TBC1D5: variants seen among roughly 807,000 people sequenced by gnomAD.
The protein encoded by TBC1D5 is TBC1 domain family, member 5.
TBC1D5 carries 75 observed loss-of-function variants against 100.3 expected under a neutral mutation model. The observed-to-expected ratio is 0.75, with a 90% confidence interval of 0.62 to 0.91. The LOEUF (loss-of-function observed/expected upper bound fraction) is 0.91. Ranked by LOEUF, TBC1D5 falls within the 40% of genes least tolerant of loss-of-function variation. TBC1D5 has a pLI of 0.00. For missense variants in TBC1D5, 910 were observed against 942.4 expected (o/e 0.97, Z 0.45); for synonymous variants, 323 against 325.6 (o/e 0.99, Z 0.09).
At chr3:17,591,264 A>AAAAAAC (rs1560228217) in intron 2 of TBC1D5, among the ~76,000 whole-genome samples, 1 of 110,696 alleles carries the variant, frequency 9.0e-6, no homozygotes, top group Non-Finnish European at 1.8e-5. Flanking sequence ...AAAAAAAAAA[A>AAAAAAC]AACAAAAACC....
At chr3:17,533,613 A>C (rs1032939795) in intron 2 of TBC1D5, among the ~76,000 whole-genome samples, 4 of 152,300 alleles carry the variant, frequency 2.6e-5, no homozygotes, top group Admixed American at 2.0e-4. Context: ...GGATTGGATA[A>C]ATTTATTAAT....
intron 2 of TBC1D5, among the ~76,000 whole-genome samples, chr3:17,580,159 T>C (rs1456536232): frequency 2.0e-5 from 3 of 152,188 alleles, no homozygotes; most frequent in Non-Finnish European, 4.4e-5. Flanking sequence ...GCCCTGTTTC[T>C]ACTATTAACT....
intron 2 of TBC1D5, among the ~76,000 whole-genome samples, chr3:17,550,658 T>C (rs2096464644): frequency 6.6e-6 from 1 of 152,124 alleles, no homozygotes; most frequent in Non-Finnish European, 1.5e-5. Flanking sequence ...AAAATTATGG[T>C]AAAACAAAAT....
chr3:17,435,793 C>A (rs1006377065), intron 3 of TBC1D5, among the ~76,000 whole-genome samples: 1 of 152,194 alleles, frequency 6.6e-6, no homozygotes, highest in African/African-American at 2.4e-5. Flanking sequence ...GAAATTAGGA[C>A]ATTCAAAAGC....
At chr3:17,502,964 T>C (rs754997237) in intron 3 of TBC1D5, among the ~76,000 whole-genome samples, 5 of 149,700 alleles carry the variant, frequency 3.3e-5, no homozygotes, top group Admixed American at 6.6e-5. Context: ...CAGGCCACTA[T>C]CATCTCACCT....
chr3:17,384,832 A>C (rs1237751348), intron 8 of TBC1D5, among the ~76,000 whole-genome samples: 1 of 152,098 alleles, frequency 6.6e-6, no homozygotes. Flanking sequence ...GGGATAGAAG[A>C]AAAGGTGGAG....
intron 3 of TBC1D5, among the ~76,000 whole-genome samples, chr3:17,455,900 T>C (rs2095073425): frequency 6.6e-6 from 1 of 152,114 alleles, no homozygotes; most frequent in Admixed American, 6.6e-5. Context: ...TTTCAAATTA[T>C]ACTGCAGATC....
intron 3 of TBC1D5, among the ~76,000 whole-genome samples, chr3:17,437,375 A>G (rs1364852236): frequency 1.3e-5 from 2 of 152,174 alleles, no homozygotes; most frequent in Admixed American, 6.5e-5. Context: ...CAGGTACTCT[A>G]TGGATATAAA....
chr3:17,727,447 A>T (rs1194825249), intron 1 of TBC1D5, among the ~76,000 whole-genome samples: 2 of 152,228 alleles, frequency 1.3e-5, no homozygotes, highest in Non-Finnish European at 2.9e-5. Context: ...AAAAGATAAT[A>T]AATAAAGGAG....
intron 4 of TBC1D5, among the ~76,000 whole-genome samples, chr3:17,423,013 AACTTT>A (rs1435904425): frequency 6.6e-6 from 1 of 152,160 alleles, no homozygotes; most frequent in Non-Finnish European, 1.5e-5. Flanking sequence ...AGGCTATACC[AACTTT>A]AATTTTTTAA....
intron 1 of TBC1D5, among the ~76,000 whole-genome samples, chr3:17,709,714 A>G (rs2074525388): frequency 6.6e-6 from 1 of 152,214 alleles, no homozygotes; most frequent in Non-Finnish European, 1.5e-5. Context: ...AAAAGACCTT[A>G]TTGTAGCTTA....
intron 1 of TBC1D5, among the ~76,000 whole-genome samples, chr3:17,725,228 A>C (rs1458610096): frequency 6.6e-6 from 1 of 152,154 alleles, no homozygotes; most frequent in African/African-American, 2.4e-5. Flanking sequence ...CCTAAAATTA[A>C]AATGTATTCT....
At chr3:17,203,071 C>A (rs1034832357) in intron 18 of TBC1D5, among the ~76,000 whole-genome samples, 1 of 152,168 alleles carries the variant, frequency 6.6e-6, no homozygotes, top group African/African-American at 2.4e-5. Flanking sequence ...TCACTAAATG[C>A]CAGCTTGTGA....
chr3:17,217,107 T>A (rs961351906), intron 17 of TBC1D5, among the ~76,000 whole-genome samples: 2 of 152,134 alleles, frequency 1.3e-5, no homozygotes, highest in African/African-American at 4.8e-5. Flanking sequence ...TCTAGACATG[T>A]CATGTAGATG....
chr3:17,386,551 C>T (rs781154151), intron 8 of TBC1D5, among the ~76,000 whole-genome samples: 1 of 152,104 alleles, frequency 6.6e-6, no homozygotes, highest in Non-Finnish European at 1.5e-5. Flanking sequence ...ACAGCTTACA[C>T]GTCTGCCAAT....
intron 2 of TBC1D5, among the ~76,000 whole-genome samples, chr3:17,559,704 C>T (rs2096545646): frequency 6.6e-6 from 1 of 151,960 alleles, no homozygotes; most frequent in Non-Finnish European, 1.5e-5. Flanking sequence ...ATTCTCCTGC[C>T]TCAGCCTCCC....
At chr3:17,161,288 G>C in intron 21 of TBC1D5, 32 bp from the exon 23 acceptor site, 1 of 1,570,620 alleles carries the variant, frequency 6.4e-7, no homozygotes, top group African/African-American at 1.4e-5. Flanking sequence ...ACAGGTGGAT[G>C]AAAGAAGAAA....
At chr3:17,427,737 G>C (rs926897807) in intron 4 of TBC1D5, among the ~76,000 whole-genome samples, 4 of 151,684 alleles carry the variant, frequency 2.6e-5, no homozygotes, top group Non-Finnish European at 5.9e-5. Flanking sequence ...TTTTCCTAAA[G>C]AAAATAACCA....
At chr3:17,526,202 A>G (rs1421009341) in intron 2 of TBC1D5, among the ~76,000 whole-genome samples, 5 of 152,122 alleles carry the variant, frequency 3.3e-5, no homozygotes, top group Non-Finnish European at 5.9e-5. Flanking sequence ...AAACTTCCAG[A>G]ATCAATTTAT....
Sources: gnomAD v4.1 joint callset for allele counts (sites outside exome capture counted in the v4.1 genomes callset) on GRCh38, gnomAD v4.1.1 for gene constraint, MANE v1.5 for transcripts, NCBI Gene and HGNC (gene_info 2026-07-23, HGNC 2026-07-21) for gene names.